Variants in CDYL2 observed in about 807,000 individuals in gnomAD.
CDYL2 encodes chromodomain Y-like protein 2.
A neutral mutation model predicts 49.4 loss-of-function variants in CDYL2; 23 were observed. The ratio of observed to expected loss-of-function variants is 0.47; its 90% CI spans 0.34 to 0.66. CDYL2 has a LOEUF of 0.66. Among genes scored for constraint, CDYL2 ranks in the 30% least tolerant of loss-of-function variants. The pLI is 0.01. For synonymous variants in CDYL2, 360 were observed against 268.8 expected (o/e 1.34, Z -3.32); for missense variants, 678 against 656.4 (o/e 1.03, Z -0.36).
At position 80,684,929 on chromosome 16, in the gene CDYL2, G is replaced by C; in HGVS notation, c.225C>G (p.Ser75=). The change falls in exon 2 of 7, where the codon TCC becomes TCG. Residue 75 remains serine (S), a synonymous_variant. Coordinates refer to ENST00000570137, the MANE Select transcript of CDYL2 (RefSeq NM_152342.4). ...GGCCTCGACTGTCACGCAGCAGCTTGGAGGTACTGGACTGCTTCCCTGACT... is the reference window on the plus strand; with the variant it reads ...GGCCTCGACTGTCACGCAGCAGCTTCGAGGTACTGGACTGCTTCCCTGACT... ...RIKSGKQSST[S]KLLRDSRGPS... 6.2e-7 allele frequency: 1 copy of C among 1,613,784 alleles called. No individual in the cohort carries two copies.
At chr16:80,712,189 GTGTA>G (rs1421470524) in intron 1 of CDYL2, among the ~76,000 whole-genome samples, 1,256 of 75,852 alleles carry the variant, frequency 0.017, 41 homozygotes, top group African/African-American at 0.039. Context: ...GTGTCTGTGT[GTGTA>G]TATATATATA....
intron 3 of CDYL2, among the ~76,000 whole-genome samples, chr16:80,631,815 A>T (rs1051020302): frequency 6.6e-6 from 1 of 152,236 alleles, no homozygotes; most frequent in African/African-American, 2.4e-5. Context: ...TCATCAGGGA[A>T]ATGCAAACCA....
intron 1 of CDYL2, among the ~76,000 whole-genome samples, chr16:80,704,690 A>G (rs1394459815): frequency 6.6e-6 from 1 of 152,216 alleles, no homozygotes; most frequent in Non-Finnish European, 1.5e-5. Context: ...GGAGGAGCTC[A>G]GGGAGAAGGC....
In CDYL2 at chr16:80,727,738, G is replaced by A. The variant is rs570061966; in HGVS notation, c.25-42609C>T. Among the ~76,000 whole-genome samples the A allele has an allele frequency of 8.2e-3, 1,245 of 152,316 alleles. 24 individuals are homozygous for A. Among genetic ancestry groups the A allele is most frequent in the African/African-American group, 0.028 (1,157 of 41,556 alleles). ...AAGAGAACAGTGGTTCTCCCAGCAC[G>A]CAGCGGGAGATCTGAGAATGGGCAG... On this transcript the variant is annotated intron_variant, in intron 1 of 6. Coordinates refer to ENST00000570137, the MANE Select transcript of CDYL2 (RefSeq NM_152342.4).
At chr16:80,613,237 G>A (rs1228053142) in intron 4 of CDYL2, among the ~76,000 whole-genome samples, 1 of 152,176 alleles carries the variant, frequency 6.6e-6, no homozygotes, top group Non-Finnish European at 1.5e-5. Flanking sequence ...GGTGTAACAG[G>A]GAGGCATATT....
At chr16:80,803,009 C>G (rs1025402698) in intron 1 of CDYL2, among the ~76,000 whole-genome samples, 2 of 152,234 alleles carry the variant, frequency 1.3e-5, no homozygotes, top group Non-Finnish European at 2.9e-5. Context: ...ACCCATGCGG[C>G]TGGTTTCACG....
intron 1 of CDYL2, among the ~76,000 whole-genome samples, chr16:80,764,844 A>T (rs567445364): frequency 2.0e-5 from 3 of 152,070 alleles, no homozygotes; most frequent in African/African-American, 7.2e-5. Context: ...GTGGATCACG[A>T]GGTCAGGAGA....
intron 1 of CDYL2, among the ~76,000 whole-genome samples, chr16:80,779,861 A>G (rs1161655721): frequency 1.3e-5 from 2 of 152,186 alleles, no homozygotes; most frequent in Non-Finnish European, 2.9e-5. Flanking sequence ...TTAACAAATT[A>G]TGAGTAAAAT....
Position 80,608,118 on chromosome 16 carries a change from T to G in CDYL2, c.1336A>C (p.Lys446Gln), listed in dbSNP as rs1188236160. 21 of 1,600,398 alleles carry G rather than the reference T, an allele frequency of 1.3e-5. No homozygotes were observed. The highest frequency in any genetic ancestry group is 1.8e-5 in the Non-Finnish European group (21 of 1,173,534). ...TFSQEVMLRV[K>Q]EMASCSAVVL... ...ACGGCACTGCAGGATGCCATCTCCT[T>G]GACCCGCAGCATGACCTCCTGGCTG... Residue 446 changes from lysine (K) to glutamine (Q), a missense_variant, in exon 6 of 7, where the codon AAG (lysine) becomes CAG (glutamine). Around this residue, in one of 3 missense-constraint regions of CDYL2, gnomAD observed 153 missense variants for 150.6 expected, o/e 1.02. Coordinates refer to ENST00000570137, the MANE Select transcript of CDYL2 (RefSeq NM_152342.4).
At chr16:80,802,699 C>T (rs1907962191) in intron 1 of CDYL2, among the ~76,000 whole-genome samples, 1 of 152,184 alleles carries the variant, frequency 6.6e-6, no homozygotes, top group Non-Finnish European at 1.5e-5. Context: ...TCACCAACTC[C>T]AGAATCATTC....
chr16:80,757,210 AAG>A (rs1350906986), intron 1 of CDYL2, among the ~76,000 whole-genome samples: 1 of 152,172 alleles, frequency 6.6e-6, no homozygotes, highest in African/African-American at 2.4e-5. Context: ...TAATAACTAA[AAG>A]AGAGTCACAA....
At chr16:80,765,810 G>A (rs111688699) in intron 1 of CDYL2, among the ~76,000 whole-genome samples, 1 of 145,128 alleles carries the variant, frequency 6.9e-6, no homozygotes, top group Non-Finnish European at 1.5e-5. Context: ...GGAGGCTGAG[G>A]TGGGAGGATC....
At chr16:80,671,056 C>CA (rs1445532988) in intron 2 of CDYL2, 22 of 452,296 alleles carry the variant, frequency 4.9e-5, no homozygotes, top group Non-Finnish European at 8.9e-6. Flanking sequence ...TCCCTGACCC[C>CA]AGTGGAGGCT....
intron 2 of CDYL2, chr16:80,639,783 G>A (rs1338822004): frequency 2.2e-6 from 1 of 454,514 alleles, no homozygotes; most frequent in South Asian, 1.6e-5. Flanking sequence ...AGTGTGGTAT[G>A]GAAAGCACGT....
At chr16:80,770,252 T>C (rs1269671466) in intron 1 of CDYL2, among the ~76,000 whole-genome samples, 1 of 152,178 alleles carries the variant, frequency 6.6e-6, no homozygotes, top group Non-Finnish European at 1.5e-5. Context: ...GATTAAAAGA[T>C]TAGGTACCAA....
chr16:80,793,080 T>G (rs1233020924), intron 1 of CDYL2, among the ~76,000 whole-genome samples: 2 of 152,188 alleles, frequency 1.3e-5, no homozygotes, highest in Non-Finnish European at 2.9e-5. Flanking sequence ...CCAACAGCAC[T>G]CTTCAGCAAA....
intron 1 of CDYL2, among the ~76,000 whole-genome samples, chr16:80,714,135 T>C (rs573349065): frequency 1.3e-5 from 2 of 152,294 alleles, no homozygotes; most frequent in Middle Eastern, 3.4e-3. Flanking sequence ...TATTCAAATG[T>C]AAACTGGAAT....
chr16:80,719,189 G>T (rs960350071), intron 1 of CDYL2, among the ~76,000 whole-genome samples: 3 of 152,114 alleles, frequency 2.0e-5, no homozygotes, highest in Non-Finnish European at 4.4e-5. Context: ...ACTGACCCCC[G>T]TGAATGCAAA....
At position 80,672,352 on chromosome 16, in the gene CDYL2, C is replaced by CAGAGAG. The variant is rs1555528924; in HGVS notation, c.616+12180_616+12185dup. 2.1e-3 allele frequency among the ~76,000 whole-genome samples: 253 copies of CAGAGAG among 117,754 alleles called. 3 individuals are homozygous for CAGAGAG. The highest frequency in any genetic ancestry group is 8.4e-3 in the Middle Eastern group (2 of 238). 77.3% of individuals were successfully genotyped at this position (117,754 alleles called of 152,430 possible). On this transcript the variant is annotated intron_variant, in intron 2 of 6. Coordinates refer to ENST00000570137, the MANE Select transcript of CDYL2 (RefSeq NM_152342.4). Reference sequence around the variant, plus strand: ...ACACACACACACACACACACACACACAGAGAGAGAGAGAGAGATGAGTAGA... The same window carrying CAGAGAG: ...ACACACACACACACACACACACACACAGAGAGAGAGAGAGAGAGAGAGATGAGTAGA...
Sources: gnomAD v4.1 joint callset for allele counts (sites outside exome capture counted in the v4.1 genomes callset) on GRCh38, gnomAD v4.1.1 for gene constraint, gnomAD v4.1.1 regional missense constraint, MANE v1.5 for transcripts, NCBI Gene and HGNC (gene_info 2026-07-23, HGNC 2026-07-21) for gene names.